Variants in MAP2 observed in about 807,000 individuals in gnomAD.
MAP2 encodes microtubule-associated protein 2.
A neutral mutation model predicts 137.6 loss-of-function variants in MAP2; 14 were observed. That is an observed-to-expected ratio of 0.10 (90% CI 0.07 to 0.16). The LOEUF (loss-of-function observed/expected upper bound fraction) is 0.16. Ranked by LOEUF, MAP2 falls within the 10% of genes least tolerant of loss-of-function variation. The probability of loss-of-function intolerance (pLI) is 1.00; values close to 1 mark genes in which losing one functional copy is unlikely to be tolerated. For synonymous variants in MAP2, 786 were observed against 782.3 expected (o/e 1.00, Z -0.08); for missense variants, 2,088 against 2,191.5 (o/e 0.95, Z 0.94).
At chr2:209,576,411 T>C (rs1054294165) in intron 2 of MAP2, among the ~76,000 whole-genome samples, 1 of 151,536 alleles carries the variant, frequency 6.6e-6, no homozygotes, top group African/African-American at 2.4e-5. Context: ...ACCCAGCTAA[T>C]TTTTGTATTT....
intron 1 of MAP2, among the ~76,000 whole-genome samples, chr2:209,432,878 T>C (rs1304923905): frequency 6.6e-6 from 1 of 152,190 alleles, no homozygotes; most frequent in Non-Finnish European, 1.5e-5. Flanking sequence ...CATACTCTTC[T>C]TAGTTTATTT....
chr2:209,485,715 A>G (rs1287047846), intron 1 of MAP2, among the ~76,000 whole-genome samples: 2 of 152,228 alleles, frequency 1.3e-5, no homozygotes, highest in South Asian at 2.1e-4. Flanking sequence ...TAGTGTTGGC[A>G]CCAACACTGC....
intron 5 of MAP2, among the ~76,000 whole-genome samples, chr2:209,665,306 A>G (rs2045821883): frequency 1.3e-5 from 2 of 152,224 alleles, no homozygotes; most frequent in South Asian, 2.1e-4. Context: ...TTTCTAAAAG[A>G]TAATCTAGTG....
At chr2:209,471,267 ACTCCTTCAGGTT>A (rs1361716755) in intron 1 of MAP2, among the ~76,000 whole-genome samples, 3 of 151,854 alleles carry the variant, frequency 2.0e-5, no homozygotes, top group African/African-American at 7.3e-5. Context: ...CCTTACTCAA[ACTCCTTCAGGTT>A]CTTTTGCCTC....
At chr2:209,588,457 C>A (rs1366264792) in intron 3 of MAP2, among the ~76,000 whole-genome samples, 1 of 152,108 alleles carries the variant, frequency 6.6e-6, no homozygotes, top group South Asian at 2.1e-4. Context: ...ATTGATCCAC[C>A]TATGGCAATT....
chr2:209,523,239 A>G (rs1372398361), intron 2 of MAP2, among the ~76,000 whole-genome samples: 1 of 151,848 alleles, frequency 6.6e-6, no homozygotes, highest in Non-Finnish European at 1.5e-5. Context: ...ATTTCGCTTT[A>G]TTCTCCCTCC....
At chr2:209,615,296 T>G (rs2088812115) in intron 3 of MAP2, among the ~76,000 whole-genome samples, 1 of 152,080 alleles carries the variant, frequency 6.6e-6, no homozygotes, top group African/African-American at 2.4e-5. Flanking sequence ...TATTAGTGAG[T>G]GAAATGCGTT....
At chr2:209,512,958 A>G (rs915656409) in intron 2 of MAP2, among the ~76,000 whole-genome samples, 1 of 152,124 alleles carries the variant, frequency 6.6e-6, no homozygotes, top group African/African-American at 2.4e-5. Flanking sequence ...AATTTATAGA[A>G]TTTTATACTG....
At chr2:209,502,149 C>T (rs2060457982) in intron 1 of MAP2, among the ~76,000 whole-genome samples, 1 of 152,128 alleles carries the variant, frequency 6.6e-6, no homozygotes, top group African/African-American at 2.4e-5. Flanking sequence ...GTAGACCTTA[C>T]AATATTATTA....
At chr2:209,723,825 T>C (rs2072586167) in intron 13 of MAP2, 2 of 601,084 alleles carry the variant, frequency 3.3e-6, no homozygotes, top group Non-Finnish European at 3.0e-6. Context: ...CCTGGTATGA[T>C]AGCTTGTAGC....
chr2:209,674,547 A>G (rs2050364654), intron 5 of MAP2, among the ~76,000 whole-genome samples: 1 of 151,808 alleles, frequency 6.6e-6, no homozygotes, highest in East Asian at 1.9e-4. Flanking sequence ...ATTTTCCTGA[A>G]TTAAAGTCTG....
chr2:209,730,197 T>C lies in MAP2; in HGVS notation c.5284T>C (p.Leu1762=). The stretch of plus-strand genomic sequence containing the variant: ...TCTTAAACAGATTGACAGCCAAAAG[T>C]TGAACTTCAGAGAGCATGCTAAAGC... The part of the protein sequence containing the change: ...GGNVKIDSQK[L]NFREHAKARV... Residue 1762 remains leucine, a synonymous_variant, in exon 16 of 16, where the codon TTG becomes CTG. Transcript: ENST00000682079. The C allele has an allele frequency of 1.2e-6, 2 of 1,613,956 alleles. No homozygotes were observed. The highest frequency in any genetic ancestry group is 1.7e-6 in the Non-Finnish European group (2 of 1,179,948).
chr2:209,451,432 C>T, intron 1 of MAP2, among the ~76,000 whole-genome samples: 1 of 152,182 alleles, frequency 6.6e-6, no homozygotes. Flanking sequence ...AAGATTCCCA[C>T]AGTGTCTGTG....
rs2153812490 is a variant in MAP2 at position 209,725,756 on chromosome 2, A to G, written c.5121A>G (p.Lys1707=). The change falls in exon 14 of 16, where the codon AAA becomes AAG. Residue 1707 remains lysine (K), a synonymous_variant. Coordinates refer to ENST00000682079, the MANE Select transcript of MAP2 (RefSeq NM_001375505.1). ...TAGACCTAAGCCATGTGACATCCAA[A>G]TGTGGCTCTCTGAAGAACATCCGCC... ...KKIDLSHVTS[K]CGSLKNIRHR... 2 of 1,605,802 alleles carry G rather than the reference A, an allele frequency of 1.2e-6. No homozygotes were observed. The highest frequency in any genetic ancestry group is 4.5e-5 in the East Asian group (2 of 44,342).
intron 1 of MAP2, among the ~76,000 whole-genome samples, chr2:209,435,573 T>C (rs911687568): frequency 6.6e-6 from 1 of 151,746 alleles, no homozygotes; most frequent in Non-Finnish European, 1.5e-5. Context: ...TTTGGTTTCA[T>C]TGTAAGGCCA....
chr2:209,638,829 C>T (rs1486128914), intron 4 of MAP2, among the ~76,000 whole-genome samples: 1 of 152,074 alleles, frequency 6.6e-6, no homozygotes, highest in Non-Finnish European at 1.5e-5. Flanking sequence ...ATATCTTAAT[C>T]ATCATCATTT....
chr2:209,598,613 A>G (rs1232611821), intron 3 of MAP2, among the ~76,000 whole-genome samples: 15 of 119,536 alleles, frequency 1.3e-4, no homozygotes, highest in Admixed American at 9.2e-5. Context: ...CCACCCCACA[A>G]CAGTCCCCAG....
intron 5 of MAP2, among the ~76,000 whole-genome samples, chr2:209,662,507 C>A (rs1037562010): frequency 2.0e-5 from 3 of 152,114 alleles, no homozygotes; most frequent in Non-Finnish European, 1.5e-5. Flanking sequence ...ATTTAATTAT[C>A]ATTGTAATTT....
chr2:209,662,846 A>C (rs1419653067), intron 5 of MAP2, among the ~76,000 whole-genome samples: 3 of 152,120 alleles, frequency 2.0e-5, no homozygotes, highest in Non-Finnish European at 2.9e-5. Flanking sequence ...AAAAGAGAAA[A>C]AGAAAAAAAA....
Sources: allele counts gnomAD v4.1 joint callset (sites outside exome capture counted in the v4.1 genomes callset), GRCh38; gene constraint gnomAD v4.1.1; transcripts MANE v1.5; gene names NCBI Gene and HGNC (gene_info 2026-07-23, HGNC 2026-07-21).